DNER: variants seen among roughly 807,000 people sequenced by gnomAD.
DNER encodes the protein delta/notch like EGF repeat containing.
DNER carries 33 observed loss-of-function variants against 78.2 expected under a neutral mutation model. The observed-to-expected ratio is 0.42, with a 90% CI of 0.32 to 0.56. The LOEUF (loss-of-function observed/expected upper bound fraction) is 0.56. Among genes scored for constraint, DNER ranks in the 20% least tolerant of loss-of-function variants. The pLI is 0.11. For missense variants in DNER, 918 were observed against 975.3 expected (o/e 0.94, Z 0.78); for synonymous variants, 417 against 384.8 (o/e 1.08, Z -0.98).
Position 229,586,024 on chromosome 2 carries a change from C to G in DNER, c.681G>C (p.Lys227Asn). 2 of 1,608,748 alleles carry G rather than the reference C, an allele frequency of 1.2e-6. No homozygotes were observed. The highest frequency in any genetic ancestry group is 4.5e-5 in the East Asian group (2 of 44,770). Residue 227 changes from lysine to asparagine, a missense_variant and splice_region_variant, in exon 4 of 13, where the codon AAG becomes AAC. Coordinates refer to ENST00000341772, the MANE Select transcript of DNER (RefSeq NM_139072.4). ...SFEVPQNTSV[K>N]IRQDATASLI... ...GTGAGGCAGTGGCATCTTGCCGAAT[C>G]CTGGAAACAGGAATGATGTAAACAG...
Position 229,366,783 on chromosome 2 carries a change from T to C in DNER, c.2102+90A>G, listed in dbSNP as rs1692356722. ...TTTCCATTCTTTAAAATCTCCTCTTTGCAAATGGAAAGTCCTGTGTATAAT... is the reference window on the plus strand; with the variant it reads ...TTTCCATTCTTTAAAATCTCCTCTTCGCAAATGGAAAGTCCTGTGTATAAT... On this transcript the variant is annotated intron_variant, in intron 12 of 12. Transcript: ENST00000341772. 3.2e-6 allele frequency: 5 copies of C among 1,550,738 alleles called. No homozygotes were observed. In the Admixed American group the frequency reaches 5.4e-5, roughly 17 times the overall value.
intron 8 of DNER, among the ~76,000 whole-genome samples, chr2:229,419,238 A>C (rs6738575): frequency 0.067 from 10,223 of 152,276 alleles, 440 homozygotes; most frequent in South Asian, 0.14. Flanking sequence ...AAGGACAAGA[A>C]GACAACATTC....
At position 229,477,256 on chromosome 2, in the gene DNER, GA is replaced by G. The variant is rs1212854781; in HGVS notation, c.1148-4del. The stretch of plus-strand genomic sequence containing the variant: ...CTGGCAAAGCTCTCCAGTATAACCT[GA>G]ATAAAACAAAATGTACATTTTATAA... On this transcript the variant is annotated splice_region_variant and splice_polypyrimidine_tract_variant and intron_variant, in intron 6 of 12. Coordinates refer to ENST00000341772, the MANE Select transcript of DNER (RefSeq NM_139072.4). The G allele has an allele frequency of 6.3e-7, 1 of 1,599,198 alleles. No homozygotes were observed. The highest frequency in any genetic ancestry group is 1.3e-5 in the African/African-American group (1 of 74,130).
chr2:229,591,457 A>T lies in DNER; in HGVS notation c.585+123T>A. 1 of 1,180,114 alleles carries T rather than the reference A, an allele frequency of 8.5e-7. No homozygotes were observed. Among genetic ancestry groups the T allele is most frequent in the Non-Finnish European group, 1.2e-6 (1 of 857,368 alleles). The allele number at this position is 1,180,114 out of a possible 1,614,324, so 73.1% of individuals were successfully genotyped here. ...TGCAGACAGGAATAAGTTTAGGGAG[A>T]TATTTTGCTTCGTGATTTAACTTAA... On this transcript the variant is annotated intron_variant, in intron 2 of 12. Coordinates refer to ENST00000341772, the MANE Select transcript of DNER (RefSeq NM_139072.4). The surrounding 1 kb of genome is among the most constrained non-coding windows in gnomAD (Gnocchi z 4.6).
chr2:229,539,895 A>C (rs542323252), intron 5 of DNER, among the ~76,000 whole-genome samples: 1 of 152,316 alleles, frequency 6.6e-6, no homozygotes, highest in Non-Finnish European at 1.5e-5. Flanking sequence ...TGAGTTACTC[A>C]TCCAGCACCC....
intron 4 of DNER, among the ~76,000 whole-genome samples, chr2:229,548,200 TC>T (rs1411702379): frequency 1.3e-4 from 20 of 152,118 alleles, no homozygotes; most frequent in Admixed American, 1.2e-3. Context: ...TGAAATGAGT[TC>T]CATTATCAGG....
chr2:229,606,661 GGC>G (rs1308690660), intron 1 of DNER, among the ~76,000 whole-genome samples: 3 of 152,132 alleles, frequency 2.0e-5, no homozygotes, highest in Admixed American at 6.6e-5. Flanking sequence ...GGGAGGCCAA[GGC>G]AGGAGGATCA....
Position 229,472,899 on chromosome 2 carries a change from T to C in DNER, c.1261+4241A>G, listed in dbSNP as rs185958066. On this transcript the variant is annotated intron_variant, in intron 7 of 12. Transcript: ENST00000341772. ...TGTTGATGAAGGATAAAAATCTCAGTGTAGAAGGGCAGACGTGTCCTGAAG... is the reference window on the plus strand; with the variant it reads ...TGTTGATGAAGGATAAAAATCTCAGCGTAGAAGGGCAGACGTGTCCTGAAG... Among the ~76,000 whole-genome samples, 380 of 152,252 alleles carry C rather than the reference T, an allele frequency of 2.5e-3. 7 individuals carry two copies. The highest frequency in any genetic ancestry group is 3.7e-3 in the Non-Finnish European group (249 of 68,020).
At chr2:229,559,720 T>C (rs926809869) in intron 4 of DNER, among the ~76,000 whole-genome samples, 18 of 152,214 alleles carry the variant, frequency 1.2e-4, no homozygotes, top group Non-Finnish European at 2.9e-5. Context: ...GAGATTTCCC[T>C]AATGAGTTTA....
intron 1 of DNER, among the ~76,000 whole-genome samples, chr2:229,711,348 A>G (rs1699909604): frequency 6.6e-6 from 1 of 151,398 alleles, no homozygotes; most frequent in Admixed American, 6.6e-5. Flanking sequence ...GGTAGGTCCC[A>G]TAGATCCCAT....
intron 7 of DNER, among the ~76,000 whole-genome samples, chr2:229,453,509 A>C (rs965196842): frequency 3.3e-5 from 5 of 152,344 alleles, no homozygotes; most frequent in South Asian, 2.1e-4. Flanking sequence ...CATCATAGGT[A>C]TACATGACAC....
chr2:229,519,691 C>T (rs138624316), intron 5 of DNER, among the ~76,000 whole-genome samples: 35 of 152,254 alleles, frequency 2.3e-4, no homozygotes, highest in Admixed American at 1.4e-3. Flanking sequence ...GTGATGGCCT[C>T]GGGTTCAGAA....
intron 6 of DNER, among the ~76,000 whole-genome samples, chr2:229,505,084 C>T (rs1303854534): frequency 1.3e-5 from 2 of 151,962 alleles, no homozygotes; most frequent in African/African-American, 4.8e-5. Context: ...TGAGTCACCA[C>T]CTGAAGGCTA....
chr2:229,412,778 C>G (rs115604748), intron 9 of DNER, among the ~76,000 whole-genome samples: 1 of 152,122 alleles, frequency 6.6e-6, no homozygotes, highest in African/African-American at 2.4e-5. Context: ...AGCAAGGCGA[C>G]GTGCAAGAGG....
At chr2:229,436,386 T>C (rs1323905095) in intron 8 of DNER, among the ~76,000 whole-genome samples, 1 of 152,224 alleles carries the variant, frequency 6.6e-6, no homozygotes, top group Non-Finnish European at 1.5e-5. Flanking sequence ...GTCTTTGCTA[T>C]TGTGAATAGC....
chr2:229,559,093 C>T (rs1365767663), intron 4 of DNER, among the ~76,000 whole-genome samples: 1 of 152,124 alleles, frequency 6.6e-6, no homozygotes, highest in Non-Finnish European at 1.5e-5. Context: ...GTTTAGGCAA[C>T]TTTGTGGGGG....
At chr2:229,584,948 C>T (rs969340554) in intron 4 of DNER, among the ~76,000 whole-genome samples, 3 of 150,098 alleles carry the variant, frequency 2.0e-5, no homozygotes, top group African/African-American at 7.4e-5. Flanking sequence ...TAATTGGACA[C>T]GTGGTAGTTT....
intron 8 of DNER, among the ~76,000 whole-genome samples, chr2:229,443,040 G>C (rs541152643): frequency 2.0e-5 from 3 of 152,300 alleles, no homozygotes; most frequent in South Asian, 2.1e-4. Flanking sequence ...ACTGTGCCAT[G>C]TCTAGTCTGG....
chr2:229,596,905 G>T (rs888324500), intron 1 of DNER, among the ~76,000 whole-genome samples: 7 of 152,214 alleles, frequency 4.6e-5, no homozygotes, highest in Non-Finnish European at 1.0e-4. Context: ...TAATGTGATG[G>T]AGTGTGTATG....
Sources: allele counts gnomAD v4.1 joint callset (sites outside exome capture counted in the v4.1 genomes callset), GRCh38; gene constraint gnomAD v4.1.1; non-coding constraint Gnocchi (gnomAD v3.1); transcripts MANE v1.5; gene names NCBI Gene and HGNC (gene_info 2026-07-23, HGNC 2026-07-21).